Variants in KIF14 observed in about 807,000 individuals in gnomAD.
KIF14 encodes the protein kinesin-like protein KIF14.
A neutral mutation model predicts 176.2 loss-of-function variants in KIF14; 98 were observed. The ratio of observed to expected loss-of-function variants is 0.56; its 90% CI spans 0.47 to 0.66. KIF14 has a LOEUF of 0.66. Among genes scored for constraint, KIF14 ranks in the 30% least tolerant of loss-of-function variants. The probability of loss-of-function intolerance (pLI) is 0.00; values close to 1 mark genes in which losing one functional copy is unlikely to be tolerated. For synonymous variants in KIF14, 566 were observed against 632.2 expected (o/e 0.90, Z 1.57); for missense variants, 1,751 against 1,920.4 (o/e 0.91, Z 1.65).
In KIF14 at chr1:200,580,380, A is replaced by AC; in HGVS notation, c.3338_3339insG (p.His1113GlnfsTer2). ...CAGAACTACTTTTATCTGATATATC[A>AC]TGTCTGAAAGAAAAATAAACAAAAA... is the stretch of plus-strand genomic sequence containing the variant. On this transcript the variant is annotated frameshift_variant, in exon 21 of 30. Coordinates refer to ENST00000367350, the MANE Select transcript of KIF14 (RefSeq NM_014875.3). LOFTEE classifies it high-confidence loss of function. The AC allele has an allele frequency of 3.4e-6, 5 of 1,468,156 alleles. No homozygotes were observed. The highest frequency in any genetic ancestry group is 3.1e-5 in the South Asian group (2 of 64,976). The allele number at this position is 1,468,156 out of a possible 1,614,324, so 90.9% of individuals were successfully genotyped here.
intron 15 of KIF14, among the ~76,000 whole-genome samples, chr1:200,593,389 G>C (rs1659150852): frequency 6.6e-6 from 1 of 152,192 alleles, no homozygotes; most frequent in African/African-American, 2.4e-5. Flanking sequence ...AAATGGCAAA[G>C]CCAGGATTTC....
intron 22 of KIF14, among the ~76,000 whole-genome samples, chr1:200,571,014 T>C (rs1431437176): frequency 2.0e-5 from 3 of 152,210 alleles, no homozygotes; most frequent in African/African-American, 7.2e-5. Flanking sequence ...GTGATTTAGG[T>C]AAATAAACAT....
intron 10 of KIF14, 77 bp downstream of exon 10, chr1:200,603,149 G>T: frequency 1.2e-6 from 1 of 836,384 alleles, no homozygotes; most frequent in Non-Finnish European, 1.8e-6. Flanking sequence ...CAAAGTTAAT[G>T]AAGTCAGTCT....
chr1:200,560,728 A>C lies in KIF14; in HGVS notation c.4224T>G (p.Ser1408Arg), dbSNP rs758552724. The change falls in exon 26 of 30, where the codon AGT becomes AGG. Residue 1408 changes from serine to arginine, a missense_variant. Physicochemically the swap from Ser to Arg is moderately radical, Grantham distance 110. Coordinates refer to ENST00000367350, the MANE Select transcript of KIF14 (RefSeq NM_014875.3). ...ACTAACATTGCTAAATTACCTGGACACTGGCAGCTTTATTGTTACCGTTTT... is the reference window on the plus strand; with the variant it reads ...ACTAACATTGCTAAATTACCTGGACCCTGGCAGCTTTATTGTTACCGTTTT... ...FLENGNNKAASVQEEFMDAVC... is the reference protein window; with the variant it reads ...FLENGNNKAARVQEEFMDAVC... The C allele has an allele frequency of 1.9e-6, 3 of 1,614,202 alleles. No individual in the cohort carries two copies. Among genetic ancestry groups the C allele is most frequent in the Non-Finnish European group, 2.5e-6 (3 of 1,180,030 alleles).
At position 200,618,823 on chromosome 1, in the gene KIF14, G is replaced by T; in HGVS notation, c.-100C>A. The T allele has an allele frequency of 2.1e-6, 2 of 937,952 alleles. No individual in the cohort carries two copies. Among genetic ancestry groups the T allele is most frequent in the Non-Finnish European group, 3.2e-6 (2 of 634,432 alleles). 58.1% of individuals were successfully genotyped at this position (937,952 alleles called of 1,614,324 possible). A position where few individuals can be genotyped will look rare whatever the true frequency, so the allele number is the denominator to read the frequency against. ...AGCCATTTCTTATGTATCCATTTCT[G>T]AAAGTATCTGCTAAACTAAAAGAAA... On this transcript the variant is annotated 5_prime_UTR_variant, in exon 2 of 30. Coordinates refer to ENST00000367350, the MANE Select transcript of KIF14 (RefSeq NM_014875.3).
rs138629312 is a variant in KIF14, at chr1:200,559,913, C to T, written c.4231-461G>A. ...GGGATTACAGGCACCTGCCACCACA[C>T]TCAGCTAATTTTTATATCTTTAGTA... is the stretch of plus-strand genomic sequence containing the variant. On this transcript the variant is annotated intron_variant, in intron 26 of 29. Transcript: ENST00000367350. Among the ~76,000 whole-genome samples the T allele has an allele frequency of 3.2e-3, 483 of 151,928 alleles. 3 individuals are homozygous for T. Among genetic ancestry groups the T allele is most frequent in the African/African-American group, 0.011 (443 of 41,440 alleles).
rs748354931 is a variant in KIF14, at chr1:200,615,371, A to C, written c.1351T>G (p.Ser451Ala). 1.2e-6 allele frequency: 2 copies of C among 1,611,850 alleles called. No homozygotes were observed. Among genetic ancestry groups the C allele is most frequent in the African/African-American group, 2.7e-5 (2 of 74,818 alleles). Residue 451 changes from serine (S) to alanine (A), a missense_variant, in exon 3 of 30, where the codon TCT (serine) becomes GCT (alanine). Transcript: ENST00000367350. ...TCLFAYGQTG[S>A]GKSYTMMGFS... ...ACAACTTACGTATATGATTTTCCAGAGCCAGTCTGACCATAAGCAAAAAGA... is the reference window on the plus strand; with the variant it reads ...ACAACTTACGTATATGATTTTCCAGCGCCAGTCTGACCATAAGCAAAAAGA...
Position 200,591,350 on chromosome 1 carries a change from G to C in KIF14, c.2813+730C>G, listed in dbSNP as rs1446808595. Among the ~76,000 whole-genome samples the C allele has an allele frequency of 2.6e-5, 4 of 152,018 alleles. No homozygotes were observed. In the East Asian group the frequency reaches 5.8e-4, roughly 22 times the overall value. On this transcript the variant is annotated intron_variant, in intron 16 of 29. Coordinates refer to ENST00000367350, the MANE Select transcript of KIF14 (RefSeq NM_014875.3). ...TTTACCTTACTTCAATAGTCTCTTA[G>C]CTGCATTTGCAGGTTTTAAGCTTGC...
intron 22 of KIF14, among the ~76,000 whole-genome samples, chr1:200,573,551 C>T (rs1170583610): frequency 1.3e-5 from 2 of 151,524 alleles, no homozygotes; most frequent in East Asian, 3.9e-4. Flanking sequence ...ATTCTCCTGC[C>T]TCAGCCTCCC....
At position 200,581,226 on chromosome 1, in the gene KIF14, A is replaced by G. The variant is rs1658433286; in HGVS notation, c.3310T>C (p.Leu1104=). Residue 1104 remains leucine (L), a synonymous_variant, in exon 20 of 30, where the codon TTG becomes CTG. Coordinates refer to ENST00000367350, the MANE Select transcript of KIF14 (RefSeq NM_014875.3). ...CTGCCAAAAACATAGTATGTTTTCA[A>G]TTTGCTGCTGATAGCATTGGCTTCC... ...IQEANAISSK[L]KTYYVFGRHD... 2 of 1,603,368 alleles carry G rather than the reference A, an allele frequency of 1.2e-6. No homozygotes were observed. The highest frequency in any genetic ancestry group is 1.4e-5 in the African/African-American group (1 of 73,996).
intron 16 of KIF14, among the ~76,000 whole-genome samples, chr1:200,591,577 G>A (rs997419359): frequency 2.0e-5 from 3 of 152,086 alleles, no homozygotes; most frequent in South Asian, 2.1e-4. Flanking sequence ...GAAATCCTAC[G>A]ATACTGCATG....
intron 15 of KIF14, 34 bp from the exon 16 acceptor site, chr1:200,592,274 G>T: frequency 5.7e-6 from 9 of 1,567,838 alleles, no homozygotes; most frequent in Non-Finnish European, 6.1e-6. Flanking sequence ...TACTTGAGGT[G>T]AGTCTCAACC....
At chr1:200,575,554 C>T (rs1222641213) in intron 22 of KIF14, 37 bp downstream of exon 22, 2 of 1,259,928 alleles carry the variant, frequency 1.6e-6, no homozygotes, top group South Asian at 1.4e-5. Context: ...CATGCACACA[C>T]AAAGTGCAAG....
Position 200,560,851 on chromosome 1 carries a change from T to A in KIF14, c.4101A>T (p.Ile1367=). The A allele has an allele frequency of 4.3e-6, 7 of 1,613,798 alleles. No individual in the cohort carries two copies. The highest frequency in any genetic ancestry group is 5.9e-6 in the Non-Finnish European group (7 of 1,179,658). ...GGATTGCATTCTTTTGAGCCTCTTT[T>A]ATCATTGATGAAATATCCAAACAGC... ...QGCCLDISSM[I]KEAQKNAIQI... is the part of the protein sequence containing the mutation. Residue 1367 remains isoleucine (I), a synonymous_variant, in exon 26 of 30, where the codon ATA becomes ATT. Transcript: ENST00000367350.
intron 10 of KIF14, among the ~76,000 whole-genome samples, chr1:200,602,748 T>A (rs1659686750): frequency 6.6e-6 from 1 of 152,316 alleles, no homozygotes; most frequent in East Asian, 1.9e-4. Flanking sequence ...AAATTAAATA[T>A]ACATTCACTA....
intron 18 of KIF14, among the ~76,000 whole-genome samples, chr1:200,588,795 C>T (rs1048087350): frequency 1.3e-5 from 2 of 152,148 alleles, no homozygotes; most frequent in Admixed American, 6.5e-5. Context: ...GTAATGAATG[C>T]CCTACTGTGA....
chr1:200,608,165 C>G (rs953488698), intron 5 of KIF14, among the ~76,000 whole-genome samples: 3 of 151,996 alleles, frequency 2.0e-5, no homozygotes, highest in Non-Finnish European at 4.4e-5. Context: ...AATACATATT[C>G]TATAATAAAA....
intron 4 of KIF14, among the ~76,000 whole-genome samples, chr1:200,609,412 G>A (rs530218055): frequency 2.5e-4 from 38 of 152,342 alleles, no homozygotes; most frequent in South Asian, 1.0e-3. Context: ...ACTTTGGGAG[G>A]CCGAGGTGGG....
At chr1:200,586,350 A>G in intron 18 of KIF14, 123 bp from the exon 19 acceptor site, 1 of 751,130 alleles carries the variant, frequency 1.3e-6, no homozygotes. Context: ...TACAATTTAT[A>G]TACCCCATAA....
Sources: gnomAD v4.1 joint callset for allele counts (sites outside exome capture counted in the v4.1 genomes callset) on GRCh38, gnomAD v4.1.1 for gene constraint, MANE v1.5 for transcripts, NCBI Gene and HGNC (gene_info 2026-07-23, HGNC 2026-07-21) for gene names.